MAP2K4: variants seen among roughly 807,000 people sequenced by gnomAD.
MAP2K4 encodes the protein dual specificity mitogen-activated protein kinase kinase 4.
In MAP2K4, 4 loss-of-function variants were observed where a neutral mutation model predicts 48.5. The observed-to-expected ratio is 0.08, with a 90% confidence interval of 0.04 to 0.19. MAP2K4 has a LOEUF of 0.19. Among genes scored for constraint, MAP2K4 ranks in the 10% least tolerant of loss-of-function variants. The pLI is 1.00. For synonymous variants in MAP2K4, 166 were observed against 173.1 expected (o/e 0.96, Z 0.32); for missense variants, 258 against 493.3 (o/e 0.52, Z 4.52).
intron 9 of MAP2K4, among the ~76,000 whole-genome samples, chr17:12,139,458 G>A (rs1279996025): frequency 2.0e-5 from 3 of 152,096 alleles, no homozygotes; most frequent in African/African-American, 7.2e-5. Flanking sequence ...GGTAGTATCT[G>A]CATAAATATC....
At chr17:12,069,728 C>G (rs1236275779) in intron 2 of MAP2K4, 28 of 1,067,514 alleles carry the variant, frequency 2.6e-5, no homozygotes, top group Middle Eastern at 5.1e-4. Flanking sequence ...ACTGACAGAC[C>G]GAGTTTACTG....
At chr17:12,064,093 G>A (rs1314515052) in intron 2 of MAP2K4, among the ~76,000 whole-genome samples, 2 of 151,262 alleles carry the variant, frequency 1.3e-5, no homozygotes, top group African/African-American at 4.9e-5. Context: ...ATCTGACAAA[G>A]GACTTTTGTA....
At chr17:12,077,124 T>TC (rs1971037807) in intron 2 of MAP2K4, among the ~76,000 whole-genome samples, 2 of 152,182 alleles carry the variant, frequency 1.3e-5, no homozygotes, top group Admixed American at 1.3e-4. Context: ...CAGAGAAACT[T>TC]CTCTAGTAAT....
intron 8 of MAP2K4, among the ~76,000 whole-genome samples, chr17:12,127,773 A>G: frequency 6.6e-6 from 1 of 152,316 alleles, no homozygotes; most frequent in South Asian, 2.1e-4. Flanking sequence ...TAATTTTAAC[A>G]GAAAGAAACT....
At chr17:12,045,073 A>G (rs1969918438) in intron 1 of MAP2K4, among the ~76,000 whole-genome samples, 1 of 152,224 alleles carries the variant, frequency 6.6e-6, no homozygotes. Flanking sequence ...CTTACGTGTC[A>G]GCTGAAATAT....
intron 8 of MAP2K4, among the ~76,000 whole-genome samples, chr17:12,126,366 G>T (rs975295164): frequency 6.6e-6 from 1 of 152,176 alleles, no homozygotes. Context: ...TAAAATATCT[G>T]TATTAGTTCA....
chr17:12,040,737 G>A (rs747798139), intron 1 of MAP2K4, among the ~76,000 whole-genome samples: 1 of 152,188 alleles, frequency 6.6e-6, no homozygotes, highest in Non-Finnish European at 1.5e-5. Context: ...TTAGAAGTGA[G>A]TAAGAGTTCT....
At position 12,034,641 on chromosome 17, in the gene MAP2K4, A is replaced by G. The variant is rs116759121; in HGVS notation, c.115+13640A>G. On this transcript the variant is annotated intron_variant, in intron 1 of 10. Transcript: ENST00000353533. Reference sequence around the variant, plus strand: ...ATGGAATAGGCCCCTGCCGTTAGCAAGCTCATAGTTTAGTGGACTAGAGTT... The same window carrying G: ...ATGGAATAGGCCCCTGCCGTTAGCAGGCTCATAGTTTAGTGGACTAGAGTT... Among the ~76,000 whole-genome samples the G allele has an allele frequency of 2.0e-3, 300 of 152,354 alleles. 2 individuals are homozygous for G. Among genetic ancestry groups the G allele is most frequent in the African/African-American group, 6.6e-3 (276 of 41,588 alleles).
At chr17:12,053,174 TA>T (rs924192995) in intron 1 of MAP2K4, among the ~76,000 whole-genome samples, 15 of 152,034 alleles carry the variant, frequency 9.9e-5, no homozygotes, top group Non-Finnish European at 1.6e-4. Flanking sequence ...GCATATTTAC[TA>T]AAAAAACCTT....
At chr17:12,066,775 C>T (rs1017885913) in intron 2 of MAP2K4, among the ~76,000 whole-genome samples, 3 of 152,164 alleles carry the variant, frequency 2.0e-5, no homozygotes, top group Non-Finnish European at 4.4e-5. Flanking sequence ...CTGCAAGCTC[C>T]GCCTTCCGGG....
At chr17:12,035,949 T>C (rs978478602) in intron 1 of MAP2K4, among the ~76,000 whole-genome samples, 1 of 152,208 alleles carries the variant, frequency 6.6e-6, no homozygotes, top group African/African-American at 2.4e-5. Context: ...CAGTTGCCTG[T>C]TACAAGTCAG....
rs542584278 is a variant in MAP2K4, at chr17:12,110,294, G to T, written c.634-81G>T. 5.7e-5 allele frequency: 53 copies of T among 927,818 alleles called. No homozygotes were observed. In the African/African-American group the frequency reaches 6.5e-4, roughly 11 times the overall value. 57.5% of individuals were successfully genotyped at this position (927,818 alleles called of 1,614,324 possible). A position where few individuals can be genotyped will look rare whatever the true frequency, so the allele number is the denominator to read the frequency against. ...AAAATGTATGCAGAGGACTACACGG[G>T]ATATTACTTGTGATAAACTGTTGTG... On this transcript the variant is annotated intron_variant, in intron 5 of 10. Transcript: ENST00000353533.
intron 2 of MAP2K4, among the ~76,000 whole-genome samples, chr17:12,060,725 T>G (rs1056157865): frequency 7.2e-6 from 1 of 139,020 alleles, no homozygotes. Flanking sequence ...TTAAATACTA[T>G]GGGGTGTGTG....
chr17:12,041,804 A>G (rs1969793465), intron 1 of MAP2K4, among the ~76,000 whole-genome samples: 1 of 152,230 alleles, frequency 6.6e-6, no homozygotes, highest in African/African-American at 2.4e-5. Context: ...TTGAGTTCCT[A>G]TTAAATGACA....
chr17:12,115,858 CA>C, intron 7 of MAP2K4: 2 of 678,680 alleles, frequency 2.9e-6, no homozygotes, highest in Admixed American at 1.8e-5. Context: ...CCATGTACTG[CA>C]TCGTCGGCAC....
chr17:12,139,412 T>C (rs981725782), intron 9 of MAP2K4, among the ~76,000 whole-genome samples: 2 of 152,214 alleles, frequency 1.3e-5, no homozygotes, highest in Admixed American at 1.3e-4. Context: ...ATATGTAATT[T>C]ATCTCCCAGA....
chr17:12,073,770 A>ATTT (rs200587573), intron 2 of MAP2K4, among the ~76,000 whole-genome samples: 16 of 137,712 alleles, frequency 1.2e-4, no homozygotes, highest in East Asian at 2.2e-4. Flanking sequence ...CTCGTTGTAG[A>ATTT]TTTTTTTTTT....
Position 12,114,064 on chromosome 17 carries a change from A to G in MAP2K4, c.813+704A>G, listed in dbSNP as rs1490812177. Among the ~76,000 whole-genome samples, 9 of 152,176 alleles carry G rather than the reference A, an allele frequency of 5.9e-5. No homozygotes were observed. In the South Asian group the frequency reaches 1.7e-3, roughly 28 times the overall value. ...CAGCACACTACTAAATGTGACACAT[A>G]AGGTTTTGTGGTTGTTTCTTGAGGC... On this transcript the variant is annotated intron_variant, in intron 7 of 10. Coordinates refer to ENST00000353533, the MANE Select transcript of MAP2K4 (RefSeq NM_003010.4).
intron 1 of MAP2K4, among the ~76,000 whole-genome samples, chr17:12,023,589 A>G (rs1167100073): frequency 1.3e-5 from 2 of 152,238 alleles, no homozygotes; most frequent in Non-Finnish European, 2.9e-5. Flanking sequence ...GGAATGTTTC[A>G]TGCAGTAGAC....
Sources: gnomAD v4.1 joint callset for allele counts (sites outside exome capture counted in the v4.1 genomes callset) on GRCh38, gnomAD v4.1.1 for gene constraint, MANE v1.5 for transcripts, NCBI Gene and HGNC (gene_info 2026-07-23, HGNC 2026-07-21) for gene names.